The following SEPTIN9 variants were observed in gnomAD, a reference collection of about 807,000 sequenced individuals.
SEPTIN9 encodes the protein septin 9, also known as septin-9.
SEPTIN9 carries 13 observed loss-of-function variants against 56.6 expected under a neutral mutation model. That is an observed-to-expected ratio of 0.23 (90% CI 0.15 to 0.37). The LOEUF is 0.37. Among genes scored for constraint, SEPTIN9 ranks in the 10% least tolerant of loss-of-function variants. The probability of loss-of-function intolerance (pLI) is 1.00; values close to 1 mark genes in which losing one functional copy is unlikely to be tolerated. For missense variants in SEPTIN9, 650 were observed against 823.1 expected, an observed-to-expected ratio of 0.79 and a Z score of 2.57; for synonymous variants, 332 against 334.1, an observed-to-expected ratio of 0.99 and a Z score of 0.07.
In SEPTIN9 at chr17:77,352,420, A is replaced by AAAACAG. The variant is rs1418372785; in HGVS notation, c.76+45228_76+45229insGAAACA. The stretch of plus-strand genomic sequence containing the variant: ...AGACTCCGTCTCAAAAACAAAAACA[A>AAAACAG]AAACAAAAACAAAAACATCCGAAAT... On this transcript the variant is annotated intron_variant, in intron 2 of 11. Transcript: ENST00000427177. 2.1e-3 allele frequency among the ~76,000 whole-genome samples: 324 copies of AAAACAG among 151,806 alleles called. 1 individual carries two copies. Among genetic ancestry groups the AAAACAG allele is most frequent in the Non-Finnish European group, 2.1e-3 (144 of 67,916 alleles).
chr17:77,396,222 A>G (rs1454553950), intron 2 of SEPTIN9, among the ~76,000 whole-genome samples: 1 of 152,064 alleles, frequency 6.6e-6, no homozygotes, highest in Non-Finnish European at 1.5e-5. Flanking sequence ...TCTTTCTGAC[A>G]CTGTGCACGG....
rs1429941185 is a variant in SEPTIN9, at chr17:77,435,093, C to A, written c.721+32390C>A. Among the ~76,000 whole-genome samples the A allele has an allele frequency of 6.6e-6, 1 of 152,178 alleles. No individual in the cohort carries two copies. Among genetic ancestry groups the A allele is most frequent in the Non-Finnish European group, 1.5e-5 (1 of 68,018 alleles). On this transcript the variant is annotated intron_variant, in intron 3 of 11. Coordinates refer to ENST00000427177, the MANE Select transcript of SEPTIN9 (RefSeq NM_001113491.2). This position sits in a 1 kb window ranked among gnomAD's most constrained non-coding sequence, Gnocchi z 4.5. ...ATCCCCTTTAATCCTCCCAACAACA[C>A]TGTGAAATTGATTCTGTTGTTATTC...
chr17:77,445,854 G>A lies in SEPTIN9; in HGVS notation c.722-36290G>A, dbSNP rs1400438435. The A allele has an allele frequency of 1.1e-5, 2 of 181,746 alleles. No homozygotes were observed. Among genetic ancestry groups the A allele is most frequent in the Admixed American group, 1.1e-4 (2 of 17,628 alleles). The allele number at this position is 181,746 out of a possible 1,614,324, so 11.3% of individuals were successfully genotyped here. On this transcript the variant is annotated intron_variant, in intron 3 of 11. Coordinates refer to ENST00000427177, the MANE Select transcript of SEPTIN9 (RefSeq NM_001113491.2). This position sits in a 1 kb window ranked among gnomAD's most constrained non-coding sequence, Gnocchi z 4.7. ...TTGCCCACAGACAGGTGGACATGTGGCAAGGACACCTTGGGACCTTCTTTC... is the reference window on the plus strand; with the variant it reads ...TTGCCCACAGACAGGTGGACATGTGACAAGGACACCTTGGGACCTTCTTTC...
At position 77,453,404 on chromosome 17, in the gene SEPTIN9, G is replaced by A. The variant is rs2038059552; in HGVS notation, c.722-28740G>A. Among the ~76,000 whole-genome samples the A allele has an allele frequency of 1.3e-5, 2 of 152,046 alleles. No homozygotes were observed. The highest frequency in any genetic ancestry group is 4.8e-5 in the African/African-American group (2 of 41,402). ...GCAGATCACCTGAGGTCAAGAGTTC[G>A]AGACCAGCCTGGCCAACATGGTGAA... is the stretch of plus-strand genomic sequence containing the variant. On this transcript the variant is annotated intron_variant, in intron 3 of 11. Coordinates refer to ENST00000427177, the MANE Select transcript of SEPTIN9 (RefSeq NM_001113491.2). The surrounding 1 kb of genome is among the most constrained non-coding windows in gnomAD (Gnocchi z 4.4).
At chr17:77,351,207 G>T (rs1459558358) in intron 2 of SEPTIN9, among the ~76,000 whole-genome samples, 1 of 149,564 alleles carries the variant, frequency 6.7e-6, no homozygotes, top group Non-Finnish European at 1.5e-5. Flanking sequence ...GACTTGCGCA[G>T]GCACATGTGC....
At position 77,445,534 on chromosome 17, in the gene SEPTIN9, G is replaced by T; in HGVS notation, c.722-36610G>T. ...TGCATGTGTGCACGCACGTGTGTGTGTGTGTGCGTGCGTGCTGGGTGGGTA... is the reference window on the plus strand; with the variant it reads ...TGCATGTGTGCACGCACGTGTGTGTTTGTGTGCGTGCGTGCTGGGTGGGTA... On this transcript the variant is annotated intron_variant, in intron 3 of 11. Coordinates refer to ENST00000427177, the MANE Select transcript of SEPTIN9 (RefSeq NM_001113491.2). This position sits in a 1 kb window ranked among gnomAD's most constrained non-coding sequence, Gnocchi z 4.7. The T allele has an allele frequency of 2.5e-6, 1 of 402,990 alleles. No homozygotes were observed. The highest frequency in any genetic ancestry group is 5.2e-6 in the Non-Finnish European group (1 of 191,348). 25.0% of individuals were successfully genotyped at this position (402,990 alleles called of 1,614,324 possible).
intron 3 of SEPTIN9, among the ~76,000 whole-genome samples, chr17:77,470,303 C>A (rs2038933376): frequency 6.6e-6 from 1 of 152,040 alleles, no homozygotes; most frequent in Non-Finnish European, 1.5e-5. Flanking sequence ...CTCACCCACC[C>A]ATCCACTCAC....
intron 2 of SEPTIN9, chr17:77,373,212 C>T (rs1296933028): frequency 1.8e-5 from 20 of 1,094,370 alleles, no homozygotes; most frequent in Non-Finnish European, 2.1e-5. Context: ...CCTTGACAGG[C>T]GGGCGGAGCA....
intron 4 of SEPTIN9, among the ~76,000 whole-genome samples, chr17:77,486,137 C>G (rs1049564785): frequency 6.7e-6 from 1 of 150,296 alleles, no homozygotes; most frequent in African/African-American, 2.5e-5. Context: ...TTTTAAAAGA[C>G]AGGGTCTCTG....
At position 77,492,276 on chromosome 17, in the gene SEPTIN9, A is replaced by T. The variant is rs1159982206; in HGVS notation, c.1381-345A>T. 2.6e-5 allele frequency among the ~76,000 whole-genome samples: 4 copies of T among 151,930 alleles called. No homozygotes were observed. The highest frequency in any genetic ancestry group is 9.7e-5 in the African/African-American group (4 of 41,370). ...GCCCCTGCTGGAACTGGGGACTGTG[A>T]CGAGGGTTTTTTAGGAAGGGTTTCA... On this transcript the variant is annotated intron_variant, in intron 8 of 11. Coordinates refer to ENST00000427177, the MANE Select transcript of SEPTIN9 (RefSeq NM_001113491.2). The surrounding 1 kb of genome is among the most constrained non-coding windows in gnomAD (Gnocchi z 5.4).
rs11537706 is a variant in SEPTIN9, at chr17:77,402,184, G to T, written c.202G>T (p.Val68Leu). The change falls in exon 3 of 12, where the codon GTG (valine) becomes TTG (leucine). Residue 68 changes from valine (V) to leucine (L), a missense_variant. Transcript: ENST00000427177. The surrounding 1 kb of genome is among the most constrained non-coding windows in gnomAD (Gnocchi z 6.6). ...CACCCAGAAATTCCAGGACCTGGGC[G>T]TGAAGAACTCAGAACCCTCGGCCCG... The part of the protein sequence containing the change: ...SSTQKFQDLG[V>L]KNSEPSARHV... The T allele has an allele frequency of 6.2e-6, 10 of 1,613,696 alleles. No individual in the cohort carries two copies. The highest frequency in any genetic ancestry group is 1.1e-5 in the South Asian group (1 of 91,084).
intron 2 of SEPTIN9, among the ~76,000 whole-genome samples, chr17:77,336,998 G>GT (rs61414789): frequency 0.19 from 24,461 of 128,362 alleles, 2,366 homozygotes; most frequent in African/African-American, 0.25. Context: ...TTTGCCCCCC[G>GT]TTTTTTTTTT....
chr17:77,420,404 C>T (rs570021064), intron 3 of SEPTIN9, among the ~76,000 whole-genome samples: 1 of 152,330 alleles, frequency 6.6e-6, no homozygotes, highest in African/African-American at 2.4e-5. Flanking sequence ...GCGTCATGTC[C>T]TCTGGCCACC....
chr17:77,325,738 G>A (rs1326952450), intron 2 of SEPTIN9, among the ~76,000 whole-genome samples: 2 of 152,182 alleles, frequency 1.3e-5, no homozygotes, highest in Non-Finnish European at 1.5e-5. Context: ...CTCTGCCTCC[G>A]CTTCTGCCAT....
chr17:77,363,729 A>G (rs1384542384), intron 2 of SEPTIN9, among the ~76,000 whole-genome samples: 3 of 151,974 alleles, frequency 2.0e-5, no homozygotes, highest in Non-Finnish European at 4.4e-5. Flanking sequence ...GTGTTTCTGT[A>G]TTAGTTCACC....
chr17:77,492,922 A>C lies in SEPTIN9; in HGVS notation c.1477-58A>C. 1 of 1,484,790 alleles carries C rather than the reference A, an allele frequency of 6.7e-7. No homozygotes were observed. Among genetic ancestry groups the C allele is most frequent in the Non-Finnish European group, 9.2e-7 (1 of 1,084,770 alleles). The allele number at this position is 1,484,790 out of a possible 1,614,324, so 92.0% of individuals were successfully genotyped here. A position where few individuals can be genotyped will look rare whatever the true frequency, so the allele number is the denominator to read the frequency against. ...TCAGGGCAGCTCCTCCCGGGGGCCC[A>C]GGGGAGGGAATTGCCTTCCCGCACA... is the stretch of plus-strand genomic sequence containing the variant. On this transcript the variant is annotated intron_variant, in intron 9 of 11. Transcript: ENST00000427177. The surrounding 1 kb of genome is among the most constrained non-coding windows in gnomAD (Gnocchi z 5.4).
chr17:77,429,555 C>G lies in SEPTIN9; in HGVS notation c.721+26852C>G, dbSNP rs571562801. ...TGGTTCCTGTTTTCTGGGCTTTGAT[C>G]GAAAGGGAACAGGGGACACATCTGG... On this transcript the variant is annotated intron_variant, in intron 3 of 11. Coordinates refer to ENST00000427177, the MANE Select transcript of SEPTIN9 (RefSeq NM_001113491.2). This position sits in a 1 kb window ranked among gnomAD's most constrained non-coding sequence, Gnocchi z 5.2. Among the ~76,000 whole-genome samples, 1 of 152,224 alleles carries G rather than the reference C, an allele frequency of 6.6e-6. No homozygotes were observed. Among genetic ancestry groups the G allele is most frequent in the Non-Finnish European group, 1.5e-5 (1 of 68,020 alleles).
intron 3 of SEPTIN9, among the ~76,000 whole-genome samples, chr17:77,432,290 C>T (rs192207790): frequency 6.6e-6 from 1 of 152,346 alleles, no homozygotes; most frequent in African/African-American, 2.4e-5. Flanking sequence ...TTAGAACGGT[C>T]CTGGCATGAC....
At chr17:77,322,992 C>G (rs2032995743) in intron 2 of SEPTIN9, 1 of 152,404 alleles carries the variant, frequency 6.6e-6, no homozygotes, top group African/African-American at 2.4e-5. Flanking sequence ...GAGGCGTGTC[C>G]AGCTCAGGCT....
Sources: allele counts gnomAD v4.1 joint callset (sites outside exome capture counted in the v4.1 genomes callset), GRCh38; gene constraint gnomAD v4.1.1; non-coding constraint Gnocchi (gnomAD v3.1); transcripts MANE v1.5; gene names NCBI Gene and HGNC (gene_info 2026-07-23, HGNC 2026-07-21).